PPARGC1A: variants seen among roughly 807,000 people sequenced by gnomAD.
PPARGC1A encodes the protein PPARG coactivator 1 alpha.
Under a neutral mutation model 88.7 loss-of-function variants are expected in PPARGC1A, and 25 were observed. The ratio of observed to expected loss-of-function variants is 0.28; its 90% CI spans 0.21 to 0.39. The LOEUF is 0.39. PPARGC1A is among the 10% of genes least tolerant of loss of function. PPARGC1A has a pLI of 1.00. For missense variants in PPARGC1A, 880 were observed against 968.7 expected, an observed-to-expected ratio of 0.91 and a Z score of 1.22; for synonymous variants, 363 against 355.6, an observed-to-expected ratio of 1.02 and a Z score of -0.24.
the PPARGC1A span, among the ~76,000 whole-genome samples, chr4:24,155,163 C>A: frequency 2.0e-5 from 3 of 151,290 alleles, no homozygotes; most frequent in Non-Finnish European, 4.4e-5. Flanking sequence ...TCACTGCTAA[C>A]CTCAACAGGC....
At chr4:24,427,826 G>A in the PPARGC1A span, among the ~76,000 whole-genome samples, 5 of 152,232 alleles carry the variant, frequency 3.3e-5, no homozygotes, top group East Asian at 7.7e-4. Context: ...ATTATCCAGC[G>A]CTGGCCAGGT....
the PPARGC1A span, among the ~76,000 whole-genome samples, chr4:24,471,151 C>A: frequency 1.3e-5 from 2 of 151,918 alleles, no homozygotes; most frequent in South Asian, 4.1e-4. The surrounding 1 kb of genome is among the most constrained non-coding windows in gnomAD (Gnocchi z 5.4). Context: ...TTCCTCGACA[C>A]CCCCCACCCC....
At chr4:24,136,605 G>A in the PPARGC1A span, among the ~76,000 whole-genome samples, 1 of 152,186 alleles carries the variant, frequency 6.6e-6, no homozygotes, top group Non-Finnish European at 1.5e-5. Flanking sequence ...GAAATGTGGA[G>A]TCAGAGAAGA....
intron 5 of PPARGC1A, among the ~76,000 whole-genome samples, chr4:23,825,477 C>T (rs2109617246): frequency 6.6e-6 from 1 of 152,080 alleles, no homozygotes; most frequent in South Asian, 2.1e-4. Context: ...AATAAAGTTT[C>T]TTATCTTATG....
chr4:24,017,793 T>C, the PPARGC1A span, among the ~76,000 whole-genome samples: 2 of 152,202 alleles, frequency 1.3e-5, no homozygotes, highest in Admixed American at 1.3e-4. Flanking sequence ...TAGGATTAAA[T>C]ACTTAACAAA....
the PPARGC1A span, among the ~76,000 whole-genome samples, chr4:24,025,196 A>G: frequency 6.6e-6 from 1 of 152,186 alleles, no homozygotes; most frequent in Non-Finnish European, 1.5e-5. Context: ...TGAGATATGC[A>G]GTGTCTTTTC....
the PPARGC1A span, among the ~76,000 whole-genome samples, chr4:24,425,126 T>G: frequency 6.6e-6 from 1 of 152,166 alleles, no homozygotes; most frequent in Non-Finnish European, 1.5e-5. Context: ...GCTCAATGCC[T>G]CTCCAGTTTG....
chr4:24,370,749 CTTTTTTTTTTTT>C, the PPARGC1A span, among the ~76,000 whole-genome samples: 855 of 62,980 alleles, frequency 0.014, 18 homozygotes, highest in African/African-American at 0.059. Context: ...CTGTCTCTCT[CTTTTTTTTTTTT>C]TTTTTTTTTT....
intron 2 of PPARGC1A, chr4:23,880,155 A>C (rs1037472373): frequency 6.6e-6 from 1 of 152,238 alleles, no homozygotes; most frequent in Admixed American, 6.5e-5. Context: ...ATACATATAC[A>C]TGAATATACA....
chr4:24,447,607 T>A, the PPARGC1A span, among the ~76,000 whole-genome samples: 1 of 152,192 alleles, frequency 6.6e-6, no homozygotes, highest in African/African-American at 2.4e-5. Flanking sequence ...TGTGTCTGAA[T>A]CCTCGTCATG....
At chr4:24,402,461 TC>T in the PPARGC1A span, among the ~76,000 whole-genome samples, 2 of 152,116 alleles carry the variant, frequency 1.3e-5, no homozygotes, top group Non-Finnish European at 2.9e-5. Context: ...CTTAATCTGA[TC>T]CCCATGACAA....
At chr4:23,867,441 G>T (rs777024318) in intron 2 of PPARGC1A, among the ~76,000 whole-genome samples, 1 of 152,222 alleles carries the variant, frequency 6.6e-6, no homozygotes, top group Non-Finnish European at 1.5e-5. Context: ...AGAGCATCCT[G>T]CATAGGAACA....
the PPARGC1A span, among the ~76,000 whole-genome samples, chr4:24,025,010 A>G: frequency 0.21 from 31,535 of 152,156 alleles, 3,843 homozygotes; most frequent in East Asian, 0.31. Context: ...TGCTTTCAAT[A>G]CTGATAAATA....
the PPARGC1A span, among the ~76,000 whole-genome samples, chr4:24,346,261 C>T: frequency 1.3e-5 from 2 of 152,120 alleles, no homozygotes; most frequent in East Asian, 3.9e-4. Flanking sequence ...TGTGTCCTTT[C>T]CTGGTTTTGG....
the PPARGC1A span, among the ~76,000 whole-genome samples, chr4:24,018,856 A>G: frequency 1.3e-5 from 2 of 152,206 alleles, no homozygotes; most frequent in African/African-American, 4.8e-5. Flanking sequence ...TGCAATCAAA[A>G]ATAGATTTTA....
the PPARGC1A span, among the ~76,000 whole-genome samples, chr4:23,940,323 A>C: frequency 6.6e-6 from 1 of 152,192 alleles, no homozygotes; most frequent in African/African-American, 2.4e-5. Context: ...AAGACGCTAC[A>C]TGGAACGCAG....
the PPARGC1A span, among the ~76,000 whole-genome samples, chr4:24,049,052 C>A: frequency 6.6e-6 from 1 of 151,676 alleles, no homozygotes; most frequent in African/African-American, 2.4e-5. Flanking sequence ...CTTCCCTTAA[C>A]TCCTCCACCC....
chr4:24,268,477 A>C, the PPARGC1A span, among the ~76,000 whole-genome samples: 1 of 152,240 alleles, frequency 6.6e-6, no homozygotes, highest in Non-Finnish European at 1.5e-5. Flanking sequence ...CCACTGATGG[A>C]ATCAGAAACT....
chr4:24,447,806 T>C, the PPARGC1A span, among the ~76,000 whole-genome samples: 1 of 152,122 alleles, frequency 6.6e-6, no homozygotes, highest in Admixed American at 6.6e-5. Flanking sequence ...CATGAAACAG[T>C]CCCAGAAGAC....
Sources: gnomAD v4.1 joint callset for allele counts (sites outside exome capture counted in the v4.1 genomes callset) on GRCh38, gnomAD v4.1.1 for gene constraint, Gnocchi (gnomAD v3.1) non-coding constraint, MANE v1.5 for transcripts, NCBI Gene and HGNC (gene_info 2026-07-23, HGNC 2026-07-21) for gene names.